The following BIN1 variants were observed in gnomAD, a reference collection of about 807,000 sequenced individuals.
BIN1 encodes bridging integrator 1.
BIN1 carries 53 observed loss-of-function variants against 82.0 expected under a neutral mutation model. The ratio of observed to expected loss-of-function variants is 0.65; its 90% CI spans 0.52 to 0.81. The LOEUF (loss-of-function observed/expected upper bound fraction) is 0.81. Ranked by LOEUF, BIN1 falls within the 40% of genes least tolerant of loss-of-function variation. The probability of loss-of-function intolerance (pLI) is 0.00; values close to 1 mark genes in which losing one functional copy is unlikely to be tolerated. For missense variants in BIN1, 642 were observed against 784.4 expected (o/e 0.82, Z 2.17); for synonymous variants, 302 against 328.0 (o/e 0.92, Z 0.86).
intron 1 of BIN1, among the ~76,000 whole-genome samples, chr2:127,077,316 CCA>C (rs10573582): frequency 2.5e-4 from 37 of 150,044 alleles, no homozygotes; most frequent in South Asian, 8.4e-4. Flanking sequence ...TCTGCACAGC[CCA>C]CACACACACA....
intron 9 of BIN1, among the ~76,000 whole-genome samples, chr2:127,062,540 G>A (rs1684639960): frequency 6.6e-6 from 1 of 152,106 alleles, no homozygotes; most frequent in African/African-American, 2.4e-5. Context: ...AATTGTTAAG[G>A]TCATTTTGCC....
intron 1 of BIN1, among the ~76,000 whole-genome samples, chr2:127,105,177 C>G (rs141305855): frequency 2.1e-3 from 313 of 152,298 alleles, no homozygotes; most frequent in Middle Eastern, 0.01. Context: ...AGAGAAAAGA[C>G]AACCAGGGCA....
rs1687399394 is a variant in BIN1, at chr2:127,082,293, G to C, written c.85-5587C>G. Among the ~76,000 whole-genome samples the C allele has an allele frequency of 6.6e-6, 1 of 152,206 alleles. No homozygotes were observed. The highest frequency in any genetic ancestry group is 2.1e-4 in the South Asian group (1 of 4,828). Reference sequence around the variant, plus strand: ...CTGGGGAGCTGTGGATGATGACACAGGGCTGGCCTCGGGGATCTTTCCGCC... The same window carrying C: ...CTGGGGAGCTGTGGATGATGACACACGGCTGGCCTCGGGGATCTTTCCGCC... On this transcript the variant is annotated intron_variant, in intron 1 of 18. Transcript: ENST00000316724. This position sits in a 1 kb window ranked among gnomAD's most constrained non-coding sequence, Gnocchi z 6.1.
chr2:127,084,200 G>A (rs181868238), intron 1 of BIN1, among the ~76,000 whole-genome samples: 5 of 152,124 alleles, frequency 3.3e-5, no homozygotes, highest in Admixed American at 6.5e-5. Flanking sequence ...TCCCCCTGGC[G>A]CACCGTATGC....
intron 1 of BIN1, among the ~76,000 whole-genome samples, chr2:127,096,583 C>T (rs1045515636): frequency 1.3e-5 from 2 of 152,196 alleles, no homozygotes; most frequent in South Asian, 2.1e-4. Context: ...TTCTCTCATT[C>T]GGTGTCTCCC....
In BIN1 at chr2:127,059,184, AG is replaced by A. The variant is rs1250790015; in HGVS notation, c.858-30del. On this transcript the variant is annotated intron_variant, in intron 10 of 18. Transcript: ENST00000316724. This position sits in a 1 kb window ranked among gnomAD's most constrained non-coding sequence, Gnocchi z 6.7. Reference sequence around the variant, plus strand: ...TGGGGGAGGACAAGAAAGGGAGCCCAGTGTTGGGGGGCCAAGGCACAGGAGA... The same window carrying A: ...TGGGGGAGGACAAGAAAGGGAGCCCATGTTGGGGGGCCAAGGCACAGGAGA... 1.9e-6 allele frequency: 3 copies of A among 1,557,682 alleles called. No individual in the cohort carries two copies.
chr2:127,062,224 G>C, intron 9 of BIN1, 27 bp from the exon 10 acceptor site: 2 of 1,582,872 alleles, frequency 1.3e-6, no homozygotes, highest in South Asian at 1.1e-5. Context: ...GAGGAGGTGG[G>C]GGGCCTCCAA....
At chr2:127,050,130 C>A (rs1234441345) in intron 18 of BIN1, among the ~76,000 whole-genome samples, 2 of 152,008 alleles carry the variant, frequency 1.3e-5, no homozygotes, top group Non-Finnish European at 2.9e-5. Flanking sequence ...GAGCTGAGAG[C>A]GCCTGAGCAA....
chr2:127,052,840 T>C (rs1683140272), intron 14 of BIN1: 1 of 249,002 alleles, frequency 4.0e-6, no homozygotes, highest in African/African-American at 2.2e-5. Context: ...CTTGGGCAAG[T>C]ACTGAGCCTT....
In BIN1 at chr2:127,082,287, G is replaced by T. The variant is rs1573721570; in HGVS notation, c.85-5581C>A. Among the ~76,000 whole-genome samples the T allele has an allele frequency of 6.6e-6, 1 of 152,202 alleles. No homozygotes were observed. Among genetic ancestry groups the T allele is most frequent in the African/African-American group, 2.4e-5 (1 of 41,442 alleles). The stretch of plus-strand genomic sequence containing the variant: ...GCCAAGCTGGGGAGCTGTGGATGAT[G>T]ACACAGGGCTGGCCTCGGGGATCTT... On this transcript the variant is annotated intron_variant, in intron 1 of 18. Coordinates refer to ENST00000316724, the MANE Select transcript of BIN1 (RefSeq NM_139343.3). This position sits in a 1 kb window ranked among gnomAD's most constrained non-coding sequence, Gnocchi z 6.1.
chr2:127,070,861 C>T (rs780081357), intron 2 of BIN1, 45 bp from the exon 3 acceptor site: 2 of 1,563,960 alleles, frequency 1.3e-6, no homozygotes, highest in African/African-American at 2.7e-5. Flanking sequence ...TGGTGGCACA[C>T]CCAGTCCCTG....
At position 127,092,477 on chromosome 2, in the gene BIN1, G is replaced by A. The variant is rs150580979; in HGVS notation, c.84+14383C>T. On this transcript the variant is annotated intron_variant, in intron 1 of 18. Coordinates refer to ENST00000316724, the MANE Select transcript of BIN1 (RefSeq NM_139343.3). ...GCAACAGGGCCCACAGAGGCTGACC[G>A]CTGCTCAGCTGGCTGCCCCGTGTGG... 4.5e-4 allele frequency among the ~76,000 whole-genome samples: 69 copies of A among 152,318 alleles called. 1 individual carries two copies. In the East Asian group the frequency reaches 0.012, roughly 27 times the overall value.
In BIN1 at chr2:127,068,361, G is replaced by C; in HGVS notation, c.520-106C>G. ...TGCAGGTCCACACGCCCCACGCGCG[G>C]GGGCCACCCCAAGCAGATATGGGCC... On this transcript the variant is annotated intron_variant, in intron 6 of 18. Transcript: ENST00000316724. This position sits in a 1 kb window ranked among gnomAD's most constrained non-coding sequence, Gnocchi z 4.9. The C allele has an allele frequency of 1.1e-6, 1 of 870,248 alleles. No individual in the cohort carries two copies. Among genetic ancestry groups the C allele is most frequent in the Non-Finnish European group, 1.8e-6 (1 of 552,788 alleles). The allele number at this position is 870,248 out of a possible 1,614,324, so 53.9% of individuals were successfully genotyped here.
chr2:127,086,572 A>G (rs1468763936), intron 1 of BIN1, among the ~76,000 whole-genome samples: 1 of 150,026 alleles, frequency 6.7e-6, no homozygotes, highest in Non-Finnish European at 1.5e-5. Flanking sequence ...CAGTGGTGCA[A>G]TCTCGGCTCA....
intron 1 of BIN1, among the ~76,000 whole-genome samples, chr2:127,098,295 G>A (rs1679856280): frequency 6.6e-6 from 1 of 152,160 alleles, no homozygotes; most frequent in Non-Finnish European, 1.5e-5. Flanking sequence ...GACCCTGGTA[G>A]TGATAAATCC....
At chr2:127,052,048 G>A (rs1683024537) in intron 15 of BIN1, among the ~76,000 whole-genome samples, 1 of 152,376 alleles carries the variant, frequency 6.6e-6, no homozygotes, top group African/African-American at 2.4e-5. Flanking sequence ...GCAAGCAGGA[G>A]GGGCTGATGC....
At chr2:127,048,702 C>G in intron 18 of BIN1, 69 bp from the exon 19 acceptor site, 1 of 1,459,894 alleles carries the variant, frequency 6.8e-7, no homozygotes, top group South Asian at 1.1e-5. Context: ...ACGCATCCCA[C>G]TCCAACCTGC....
At position 127,070,567 on chromosome 2, in the gene BIN1, T is replaced by G; in HGVS notation, c.301A>C (p.Asn101His). ...CCCATGCTCACCTCTGCGATCTTGTTTGCCTCATCCCTGCCGGGCCAATCG... is the reference window on the plus strand; with the variant it reads ...CCCATGCTCACCTCTGCGATCTTGTGTGCCTCATCCCTGCCGGGCCAATCG... ...EPDWPGRDEANKIAENNDLLW... is the reference protein window; with the variant it reads ...EPDWPGRDEAHKIAENNDLLW... Residue 101 changes from asparagine to histidine, a missense_variant, in exon 4 of 19, where the codon AAC becomes CAC. Asn to His is a moderately conservative substitution (Grantham distance 68). Coordinates refer to ENST00000316724, the MANE Select transcript of BIN1 (RefSeq NM_139343.3). 5 of 1,614,112 alleles carry G rather than the reference T, an allele frequency of 3.1e-6. No homozygotes were observed. The highest frequency in any genetic ancestry group is 3.4e-6 in the Non-Finnish European group (4 of 1,180,014).
rs140307232 is a variant in BIN1, at chr2:127,064,196, C to T, written c.613-178G>A. On this transcript the variant is annotated intron_variant, in intron 7 of 18. Coordinates refer to ENST00000316724, the MANE Select transcript of BIN1 (RefSeq NM_139343.3). ...ATGCTGGCGACCTCCCCCTGCAGCC[C>T]TCCAGGACCCTGAGGACATCTGGGA... Among the ~76,000 whole-genome samples, 71 of 152,358 alleles carry T rather than the reference C, an allele frequency of 4.7e-4. 3 individuals are homozygous for T. The East Asian group carries it at 0.012, about 26-fold the overall frequency.
Sources: allele counts gnomAD v4.1 joint callset (sites outside exome capture counted in the v4.1 genomes callset), GRCh38; gene constraint gnomAD v4.1.1; non-coding constraint Gnocchi (gnomAD v3.1); transcripts MANE v1.5; gene names NCBI Gene and HGNC (gene_info 2026-07-23, HGNC 2026-07-21).